The following RAI1 variants were observed in gnomAD, a reference collection of about 807,000 sequenced individuals.
The protein encoded by RAI1 is retinoic acid induced 1.
A neutral mutation model predicts 123.8 loss-of-function variants in RAI1; 9 were observed. That is an observed-to-expected ratio of 0.07 (90% CI 0.04 to 0.13). RAI1 has a LOEUF of 0.13. Ranked by LOEUF, RAI1 falls within the 10% of genes least tolerant of loss-of-function variation. The pLI is 1.00. For synonymous variants in RAI1, 1,231 were observed against 1,127.3 expected (o/e 1.09, Z -1.84); for missense variants, 2,256 against 2,545.8 (o/e 0.89, Z 2.45).
rs537495438 is a variant in RAI1, at chr17:17,793,725, G to A, written c.777G>A (p.Pro259=). The change falls in exon 3 of 6, where the codon CCG becomes CCA. Residue 259 remains proline (P), a synonymous_variant. Transcript: ENST00000353383. ...RPLTASSSLA[P]GQRVQNLHAY... ...TGACTGCCAGCTCCAGCCTGGCCCCGGGGCAGCGGGTCCAGAATCTTCATG... is the reference window on the plus strand; with the variant it reads ...TGACTGCCAGCTCCAGCCTGGCCCCAGGGCAGCGGGTCCAGAATCTTCATG... The A allele has an allele frequency of 1.9e-5, 30 of 1,612,812 alleles. No individual in the cohort carries two copies. The highest frequency in any genetic ancestry group is 8.9e-5 in the East Asian group (4 of 44,868).
At chr17:17,703,270 C>T (rs566779231) in intron 1 of RAI1, among the ~76,000 whole-genome samples, 48 of 152,276 alleles carry the variant, frequency 3.2e-4, no homozygotes, top group African/African-American at 1.0e-3. Context: ...AGGACAGCCG[C>T]GCCCCCTACT....
intron 1 of RAI1, among the ~76,000 whole-genome samples, chr17:17,702,904 C>T (rs1377381391): frequency 1.3e-5 from 2 of 152,220 alleles, no homozygotes; most frequent in Admixed American, 6.5e-5. Flanking sequence ...ACTTCAAAGC[C>T]TGTGTTTGTA....
chr17:17,793,331 C>G lies in RAI1; in HGVS notation c.383C>G (p.Pro128Arg). The change falls in exon 3 of 6, where the codon CCC becomes CGC. Residue 128 changes from proline to arginine, a missense_variant. Physicochemically the swap from Pro to Arg is moderately radical, Grantham distance 103. Around this residue, in one of 7 missense-constraint regions of RAI1, gnomAD observed 336 missense variants for 349.8 expected, o/e 0.96. Coordinates refer to ENST00000353383, the MANE Select transcript of RAI1 (RefSeq NM_030665.4). ...GCTTGGGGGGCCCCACAGCCACCAC[C>G]CCCACAGCCGCAGCCACTACCTGCA... ...LQAWGAPQPPPPQPQPLPAGV... is the reference protein window; with the variant it reads ...LQAWGAPQPPRPQPQPLPAGV... 3.1e-6 allele frequency: 5 copies of G among 1,612,644 alleles called. No homozygotes were observed. Among genetic ancestry groups the G allele is most frequent in the Non-Finnish European group, 4.2e-6 (5 of 1,179,790 alleles).
intron 4 of RAI1, among the ~76,000 whole-genome samples, chr17:17,806,507 G>A (rs1175191483): frequency 6.6e-6 from 1 of 152,234 alleles, no homozygotes; most frequent in Non-Finnish European, 1.5e-5. Context: ...GGGAGAAGTA[G>A]GGTGTGGACG....
intron 2 of RAI1, among the ~76,000 whole-genome samples, chr17:17,780,087 CAAG>C (rs1198545647): frequency 3.6e-4 from 4 of 11,252 alleles, no homozygotes; most frequent in African/African-American, 1.1e-3. Flanking sequence ...TTTTTTAAGA[CAAG>C]AGTTTTACTC....
chr17:17,755,766 C>T (rs1203354778), intron 2 of RAI1, among the ~76,000 whole-genome samples: 2 of 152,196 alleles, frequency 1.3e-5, no homozygotes, highest in African/African-American at 2.4e-5. Flanking sequence ...TGACAAAGCC[C>T]AGCTCCTCCC....
At chr17:17,706,605 G>GCCCT (rs1567836320) in intron 1 of RAI1, among the ~76,000 whole-genome samples, 1 of 152,198 alleles carries the variant, frequency 6.6e-6, no homozygotes, top group Non-Finnish European at 1.5e-5. Flanking sequence ...GCAGTGACGG[G>GCCCT]GAAAGTTTGA....
chr17:17,792,809 G>A, intron 2 of RAI1, 124 bp from the exon 3 acceptor site: 1 of 773,054 alleles, frequency 1.3e-6, no homozygotes, highest in Non-Finnish European at 2.1e-6. Context: ...GGGGAGGTGG[G>A]TGGGAGGGTG....
At chr17:17,719,581 A>G (rs1056723906) in intron 1 of RAI1, among the ~76,000 whole-genome samples, 1 of 152,186 alleles carries the variant, frequency 6.6e-6, no homozygotes, top group African/African-American at 2.4e-5. Context: ...TTATTTTTCC[A>G]TAGCACGCTT....
At chr17:17,767,648 G>T (rs1390919042) in intron 2 of RAI1, among the ~76,000 whole-genome samples, 2 of 152,226 alleles carry the variant, frequency 1.3e-5, no homozygotes, top group African/African-American at 4.8e-5. Context: ...GGGGACTGGG[G>T]TTTGGAAGGC....
chr17:17,728,267 G>A (rs1313749021), intron 2 of RAI1, among the ~76,000 whole-genome samples: 1 of 152,118 alleles, frequency 6.6e-6, no homozygotes, highest in African/African-American at 2.4e-5. Context: ...GGTTGTGGCT[G>A]GGTGGGCGAA....
intron 2 of RAI1, among the ~76,000 whole-genome samples, chr17:17,783,477 T>C (rs1173119067): frequency 1.3e-5 from 2 of 151,856 alleles, no homozygotes; most frequent in Non-Finnish European, 2.9e-5. Context: ...GTCCTGCGGA[T>C]TTTCTCCGGC....
At chr17:17,743,610 G>A (rs1007928693) in intron 2 of RAI1, among the ~76,000 whole-genome samples, 2 of 152,214 alleles carry the variant, frequency 1.3e-5, no homozygotes, top group African/African-American at 4.8e-5. Context: ...CCCCACACAC[G>A]TGGTTTCTCT....
chr17:17,790,902 G>A (rs1229152581), intron 2 of RAI1, among the ~76,000 whole-genome samples: 3 of 152,206 alleles, frequency 2.0e-5, no homozygotes, highest in African/African-American at 7.2e-5. Flanking sequence ...CACCTGGCAG[G>A]GAGCTGCCAG....
Position 17,797,606 on chromosome 17 carries a change from G to C in RAI1, c.4658G>C (p.Cys1553Ser). Residue 1553 changes from cysteine to serine, a missense_variant, in exon 3 of 6, where the codon TGT (cysteine) becomes TCT (serine). By Grantham distance (112) the Cys-to-Ser change is moderately radical. Around this residue, in one of 7 missense-constraint regions of RAI1, gnomAD observed 410 missense variants for 374.6 expected, o/e 1.09. Transcript: ENST00000353383. ...GRAKNTTSSP[C>S]KGRAKRRRQQ... ...GCCAAGAACACCACCTCTTCACCCT[G>C]TAAGGGGCGTGCCAAGCGACGACGA... The C allele has an allele frequency of 6.2e-7, 1 of 1,614,008 alleles. No homozygotes were observed. Among genetic ancestry groups the C allele is most frequent in the Non-Finnish European group, 8.5e-7 (1 of 1,180,032 alleles).
At chr17:17,718,305 CA>C (rs1382703274) in intron 1 of RAI1, among the ~76,000 whole-genome samples, 1 of 152,078 alleles carries the variant, frequency 6.6e-6, no homozygotes, top group Non-Finnish European at 1.5e-5. Flanking sequence ...GAAAATGTTC[CA>C]AAAATGTAAG....
chr17:17,792,952 C>G lies in RAI1; in HGVS notation c.4C>G (p.Gln2Glu). The change falls in exon 3 of 6, where the codon CAG (glutamine) becomes GAG (glutamate). Residue 2 changes from glutamine (Q) to glutamate (E), a missense_variant. Around this residue, in one of 7 missense-constraint regions of RAI1, gnomAD observed 336 missense variants for 349.8 expected, o/e 0.96. Transcript: ENST00000353383. ...TCACAGATAACCAGCCCGAGTCATG[C>G]AGTCTTTTCGAGAAAGGTGTGGTTT... M[Q>E]SFRERCGFHG... 1.5e-6 allele frequency: 2 copies of G among 1,374,966 alleles called. No homozygotes were observed. Among genetic ancestry groups the G allele is most frequent in the Non-Finnish European group, 9.7e-7 (1 of 1,027,256 alleles). 85.2% of individuals were successfully genotyped at this position (1,374,966 alleles called of 1,614,324 possible).
rs368869038 is a variant in RAI1 at position 17,745,589 on chromosome 17, G to C, written c.-17+21430G>C. ...TTTTTGTATTTTTTGGTAAAGACAG[G>C]GTTTCACCATGTTGGCCAGGCTGGT... is the stretch of plus-strand genomic sequence containing the variant. On this transcript the variant is annotated intron_variant, in intron 2 of 5. Transcript: ENST00000353383. Among the ~76,000 whole-genome samples, 359 of 152,180 alleles carry C rather than the reference G, an allele frequency of 2.4e-3. 1 individual carries two copies. Among genetic ancestry groups the C allele is most frequent in the Non-Finnish European group, 3.9e-3 (263 of 68,010 alleles).
chr17:17,722,923 T>C (rs1409984215), intron 1 of RAI1, among the ~76,000 whole-genome samples: 3 of 152,202 alleles, frequency 2.0e-5, no homozygotes. Context: ...GCGGCTCTTC[T>C]GCCGCGGTGC....
Sources: gnomAD v4.1 joint callset for allele counts (sites outside exome capture counted in the v4.1 genomes callset) on GRCh38, gnomAD v4.1.1 for gene constraint, gnomAD v4.1.1 regional missense constraint, MANE v1.5 for transcripts, NCBI Gene and HGNC (gene_info 2026-07-23, HGNC 2026-07-21) for gene names.